Variants in SETD2 observed in about 807,000 individuals in gnomAD.
SETD2 encodes SET domain containing 2, histone lysine methyltransferase, also known as histone-lysine N-methyltransferase SETD2.
SETD2 carries 31 observed loss-of-function variants against 242.1 expected under a neutral mutation model. The observed-to-expected ratio is 0.13, with a 90% CI of 0.10 to 0.17. The LOEUF is 0.17. Ranked by LOEUF, SETD2 falls within the 10% of genes least tolerant of loss-of-function variation. The probability of loss-of-function intolerance (pLI) is 1.00; values close to 1 mark genes in which losing one functional copy is unlikely to be tolerated. For missense variants in SETD2, 2,481 were observed against 3,046.3 expected (o/e 0.81, Z 4.37); for synonymous variants, 1,006 against 1,066.5 (o/e 0.94, Z 1.11).
chr3:47,080,310 AATCCAG>A (rs1271262271), intron 12 of SETD2, among the ~76,000 whole-genome samples: 2 of 152,218 alleles, frequency 1.3e-5, no homozygotes, highest in African/African-American at 4.8e-5. Flanking sequence ...AAATCATCTA[AATCCAG>A]ATGCAAATGG....
intron 9 of SETD2, 111 bp downstream of exon 9, chr3:47,097,844 A>C: frequency 2.0e-6 from 2 of 1,023,712 alleles, no homozygotes; most frequent in Non-Finnish European, 2.9e-6. Flanking sequence ...AACTCATCTG[A>C]TCTTGGATTT....
chr3:47,137,683 T>G (rs1220587045), intron 1 of SETD2, among the ~76,000 whole-genome samples: 1 of 152,106 alleles, frequency 6.6e-6, no homozygotes. Flanking sequence ...TATCTGACAT[T>G]ATTATAAATT....
At chr3:47,068,919 C>T (rs2040692311) in intron 12 of SETD2, among the ~76,000 whole-genome samples, 1 of 151,860 alleles carries the variant, frequency 6.6e-6, no homozygotes, top group Admixed American at 6.6e-5. Context: ...CTTAGCCTCC[C>T]CAGTAACTGG....
chr3:47,064,949 A>G (rs2040497206), intron 13 of SETD2, among the ~76,000 whole-genome samples: 1 of 152,144 alleles, frequency 6.6e-6, no homozygotes, highest in Non-Finnish European at 1.5e-5. Flanking sequence ...ATAGTTGTTC[A>G]TTACAGATCA....
At chr3:47,030,980 G>A (rs1371747696) in intron 18 of SETD2, among the ~76,000 whole-genome samples, 4 of 152,182 alleles carry the variant, frequency 2.6e-5, no homozygotes, top group African/African-American at 7.2e-5. Flanking sequence ...CTAAGTGAAT[G>A]AAGCCGATCT....
At chr3:47,038,637 A>C (rs7373821) in intron 17 of SETD2, among the ~76,000 whole-genome samples, 98,490 of 151,746 alleles carry the variant, frequency 0.65, 32,379 homozygotes, top group African/African-American at 0.75. Flanking sequence ...AAAAAAAAAA[A>C]CAAAAACTTG....
chr3:47,140,610 C>T (rs1447135842), intron 1 of SETD2, among the ~76,000 whole-genome samples: 1 of 152,196 alleles, frequency 6.6e-6, no homozygotes, highest in Non-Finnish European at 1.5e-5. Context: ...CCTGTAATCT[C>T]AGCACTTTGG....
chr3:47,107,038 G>A (rs527482610), intron 5 of SETD2, among the ~76,000 whole-genome samples: 165 of 151,884 alleles, frequency 1.1e-3, no homozygotes, highest in African/African-American at 3.7e-3. Flanking sequence ...TTCTTTTCTT[G>A]ATTATTTACC....
rs2106641308 is a variant in SETD2, at chr3:47,121,162, A to G, written c.3474T>C (p.Pro1158=). The G allele has an allele frequency of 6.2e-7, 1 of 1,614,154 alleles. No individual in the cohort carries two copies. The highest frequency in any genetic ancestry group is 8.5e-7 in the Non-Finnish European group (1 of 1,179,976). The change falls in exon 3 of 21, where the codon CCT becomes CCC. Residue 1158 remains proline (P), a synonymous_variant. Coordinates refer to ENST00000409792, the MANE Select transcript of SETD2 (RefSeq NM_014159.7). ...SSRKQIDNRL[P]ELSHPQSDGV... ...CATCACTCTGAGGATGAGAAAGTTC[A>G]GGCAGGCGATTATCTATTTGTTTTC... is the stretch of plus-strand genomic sequence containing the variant.
chr3:47,137,597 G>A (rs2043618064), intron 1 of SETD2, among the ~76,000 whole-genome samples: 1 of 152,180 alleles, frequency 6.6e-6, no homozygotes, highest in South Asian at 2.1e-4. Context: ...TTAGGACAGA[G>A]ATTTGGTTTT....
intron 15 of SETD2, 30 bp from the exon 16 acceptor site, chr3:47,046,651 T>G: frequency 6.3e-7 from 1 of 1,594,592 alleles, no homozygotes; most frequent in Non-Finnish European, 8.6e-7. Flanking sequence ...AATCAATAAT[T>G]TAAGCTTTTG....
rs1200173976 is a variant in SETD2, at chr3:47,057,289, A to G, written c.6495T>C (p.Ala2165=). The G allele has an allele frequency of 6.2e-7, 1 of 1,614,086 alleles. No individual in the cohort carries two copies. The highest frequency in any genetic ancestry group is 8.5e-7 in the Non-Finnish European group (1 of 1,180,046). The change falls in exon 15 of 21, where the codon GCT becomes GCC. Residue 2165 remains alanine (A), a synonymous_variant. Coordinates refer to ENST00000409792, the MANE Select transcript of SETD2 (RefSeq NM_014159.7). ...GCATGGGATAACCTGGTGGGTAACCAGCAAAGGGATGATGCGGGGCATTAT... is the reference window on the plus strand; with the variant it reads ...GCATGGGATAACCTGGTGGGTAACCGGCAAAGGGATGATGCGGGGCATTAT... ...LGYNAPHHPF[A]GYPPGYPMQA...
chr3:47,100,273 AT>A (rs2042159882), intron 8 of SETD2, among the ~76,000 whole-genome samples: 1 of 142,022 alleles, frequency 7.0e-6, no homozygotes. Flanking sequence ...TTTGCTTTTT[AT>A]TTTTTTTAGA....
chr3:47,031,275 T>C (rs1444077949), intron 18 of SETD2, among the ~76,000 whole-genome samples: 1 of 152,208 alleles, frequency 6.6e-6, no homozygotes. Context: ...TAATGTGTCA[T>C]AGTAGATTCA....
Position 47,122,940 on chromosome 3 carries a change from A to G in SETD2, c.1696T>C (p.Ser566Pro), listed in dbSNP as rs2106691262. The change falls in exon 3 of 21, where the codon TCT becomes CCT. Residue 566 changes from serine to proline, a missense_variant. By Grantham distance (74) the Ser-to-Pro change is moderately conservative (BLOSUM62 -1). This residue lies in a region of SETD2 where 1,300 missense variants were observed against 1,259.2 expected (regional missense o/e 1.03). Coordinates refer to ENST00000409792, the MANE Select transcript of SETD2 (RefSeq NM_014159.7). ...CAGAAAGAATTTTTAAATTTATCAG[A>G]CTTGGGTATAGGTTTTGAAAGGGTA... ...KSTLSKPIPK[S>P]DKFKNSFCCT... 3 of 1,612,526 alleles carry G rather than the reference A, an allele frequency of 1.9e-6. No homozygotes were observed. Among genetic ancestry groups the G allele is most frequent in the Non-Finnish European group, 2.5e-6 (3 of 1,179,398 alleles).
chr3:47,086,878 A>G lies in SETD2; in HGVS notation c.5278-564T>C, dbSNP rs148524992. On this transcript the variant is annotated intron_variant, in intron 10 of 20. Coordinates refer to ENST00000409792, the MANE Select transcript of SETD2 (RefSeq NM_014159.7). Reference sequence around the variant, plus strand: ...GCAAGACCCTTATCTCTACAAAAATATAAATATAAAAATTAGCTGGATGTG... The same window carrying G: ...GCAAGACCCTTATCTCTACAAAAATGTAAATATAAAAATTAGCTGGATGTG... Among the ~76,000 whole-genome samples the G allele has an allele frequency of 5.3e-5, 8 of 152,082 alleles. No individual in the cohort carries two copies. The East Asian group carries it at 1.5e-3, about 29-fold the overall frequency.
intron 1 of SETD2, among the ~76,000 whole-genome samples, chr3:47,146,492 G>A (rs1029388334): frequency 2.6e-5 from 4 of 152,032 alleles, no homozygotes; most frequent in African/African-American, 7.2e-5. Flanking sequence ...ACCAGTCATA[G>A]TGGTAGTCGC....
chr3:47,041,998 A>C (rs989498779), intron 17 of SETD2, among the ~76,000 whole-genome samples: 2 of 152,238 alleles, frequency 1.3e-5, no homozygotes, highest in African/African-American at 2.4e-5. Flanking sequence ...CCTGATACTT[A>C]TACAATATTA....
In SETD2 at chr3:47,034,012, C is replaced by T. The variant is rs6782846; in HGVS notation, c.7350+3654G>A. On this transcript the variant is annotated intron_variant, in intron 18 of 20. Coordinates refer to ENST00000409792, the MANE Select transcript of SETD2 (RefSeq NM_014159.7). The stretch of plus-strand genomic sequence containing the variant: ...TCTTGAACTCCTGGCCTCAAGTGAT[C>T]GGGCCACCTCAGCCTCCCAAAGTAG... Among the ~76,000 whole-genome samples the T allele has an allele frequency of 4.9e-3, 740 of 152,238 alleles. 8 individuals are homozygous for T. Among genetic ancestry groups the T allele is most frequent in the African/African-American group, 0.017 (691 of 41,544 alleles).
Sources: gnomAD v4.1 joint callset for allele counts (sites outside exome capture counted in the v4.1 genomes callset) on GRCh38, gnomAD v4.1.1 for gene constraint, gnomAD v4.1.1 regional missense constraint, MANE v1.5 for transcripts, NCBI Gene and HGNC (gene_info 2026-07-23, HGNC 2026-07-21) for gene names.